Variants in TMC5 observed in about 807,000 individuals in gnomAD.
The protein encoded by TMC5 is transmembrane channel like 5.
In TMC5, 86 loss-of-function variants were observed where a neutral mutation model predicts 110.5. That is an observed-to-expected ratio of 0.78 (90% CI 0.65 to 0.93). The LOEUF (loss-of-function observed/expected upper bound fraction) is 0.93, where lower values mean the gene tolerates loss of function less well. Ranked by LOEUF, TMC5 falls within the 40% of genes least tolerant of loss-of-function variation. The pLI, the probability that TMC5 is intolerant of heterozygous loss-of-function variation, is 0.00. For synonymous variants in TMC5, 455 were observed against 439.5 expected (o/e 1.04, Z -0.44); for missense variants, 1,144 against 1,222.8 (o/e 0.94, Z 0.96).
chr16:19,456,801 A>T, intron 5 of TMC5: 1 of 1,614,178 alleles, frequency 6.2e-7, no homozygotes, highest in Non-Finnish European at 8.5e-7. Flanking sequence ...CAGATTTTTC[A>T]AGAAAAGGTG....
intron 8 of TMC5, among the ~76,000 whole-genome samples, chr16:19,465,080 C>T (rs1215212524): frequency 1.1e-4 from 8 of 73,564 alleles, no homozygotes; most frequent in African/African-American, 2.0e-4. Context: ...TTCCTTCCTT[C>T]CTTCCTTCCT....
chr16:19,468,895 G>A (rs1457179098), intron 9 of TMC5, among the ~76,000 whole-genome samples: 1 of 152,184 alleles, frequency 6.6e-6, no homozygotes, highest in Non-Finnish European at 1.5e-5. Context: ...TGGAGGCTGT[G>A]GCGTGAGGAT....
chr16:19,496,106 C>T (rs1335874435), intron 20 of TMC5, among the ~76,000 whole-genome samples: 4 of 145,382 alleles, frequency 2.8e-5, no homozygotes, highest in African/African-American at 1.0e-4. Flanking sequence ...TGCAGTGAGC[C>T]AAGGTCACAC....
In TMC5 at chr16:19,440,659, T is replaced by C. The variant is rs1036728348; in HGVS notation, c.621T>C (p.Tyr207=). Reference sequence around the variant, plus strand: ...CAGACTCTCTGGGAAAGCCTGATTATCCAGGCGCTGACATTCAACCTAACT... The same window carrying C: ...CAGACTCTCTGGGAAAGCCTGATTACCCAGGCGCTGACATTCAACCTAACT... The part of the protein sequence containing the change: ...PYADSLGKPD[Y]PGADIQPNSP... The change falls in exon 3 of 22, where the codon TAT becomes TAC. Residue 207 remains tyrosine (Y), a synonymous_variant. Transcript: ENST00000542583. 3.7e-6 allele frequency: 6 copies of C among 1,614,106 alleles called. No homozygotes were observed. The highest frequency in any genetic ancestry group is 5.1e-6 in the Non-Finnish European group (6 of 1,180,052).
intron 15 of TMC5, among the ~76,000 whole-genome samples, chr16:19,484,580 G>A (rs1304632405): frequency 6.6e-6 from 1 of 152,028 alleles, no homozygotes; most frequent in African/African-American, 2.4e-5. Flanking sequence ...TGGCCAACAT[G>A]GTGAAACCCT....
intron 2 of TMC5, among the ~76,000 whole-genome samples, chr16:19,434,499 G>GT (rs1967298440): frequency 4.7e-5 from 6 of 127,100 alleles, no homozygotes; most frequent in Non-Finnish European, 9.5e-5. Flanking sequence ...TAGATATAGA[G>GT]AGAGAGAGAG....
At position 19,466,159 on chromosome 16, in the gene TMC5, C is replaced by G; in HGVS notation, c.1563C>G (p.Ser521=). Residue 521 remains serine (S), a synonymous_variant, in exon 9 of 22, where the codon TCC becomes TCG. Transcript: ENST00000542583. ...STIQHGNSGA[S]YNMQLAYIFT... ...TCCAGCACGGGAACAGCGGGGCATC[C>G]TACAACATGCAGCTGGCCTACATCT... The G allele has an allele frequency of 6.2e-7, 1 of 1,614,090 alleles. No homozygotes were observed. Among genetic ancestry groups the G allele is most frequent in the Non-Finnish European group, 8.5e-7 (1 of 1,180,004 alleles).
At chr16:19,423,567 G>A (rs765927960) in intron 1 of TMC5, among the ~76,000 whole-genome samples, 2 of 152,090 alleles carry the variant, frequency 1.3e-5, no homozygotes, top group African/African-American at 2.4e-5. Flanking sequence ...ATAAGCTTGC[G>A]TTTTGTGTCT....
At position 19,463,872 on chromosome 16, in the gene TMC5, A is replaced by C; in HGVS notation, c.1333A>C (p.Ser445Arg). The change falls in exon 8 of 22, where the codon AGC (serine) becomes CGC (arginine). Residue 445 changes from serine (S) to arginine (R), a missense_variant. By Grantham distance (110) the Ser-to-Arg change is moderately radical. Coordinates refer to ENST00000542583, the MANE Select transcript of TMC5 (RefSeq NM_001261841.2). ...LKIIGGKFGT[S>R]VLSYFNFLRW... ...GATCATTGGAGGCAAGTTTGGAACCAGCGTCCTCTCCTATTTCAACTTTCT... is the reference window on the plus strand; with the variant it reads ...GATCATTGGAGGCAAGTTTGGAACCCGCGTCCTCTCCTATTTCAACTTTCT... The C allele has an allele frequency of 8.1e-6, 13 of 1,614,240 alleles. No homozygotes were observed. The highest frequency in any genetic ancestry group is 1.0e-5 in the Non-Finnish European group (12 of 1,180,048).
chr16:19,438,518 G>A (rs984258620), intron 2 of TMC5, among the ~76,000 whole-genome samples: 1 of 149,612 alleles, frequency 6.7e-6, no homozygotes, highest in African/African-American at 2.5e-5. Context: ...AGGCCGAGAC[G>A]GGTGGATCAC....
intron 1 of TMC5, among the ~76,000 whole-genome samples, chr16:19,423,631 GT>G (rs1967030622): frequency 6.6e-6 from 1 of 152,304 alleles, no homozygotes; most frequent in South Asian, 2.1e-4. Flanking sequence ...TAGGAAAAAA[GT>G]TTTTTCCCAC....
intron 5 of TMC5, among the ~76,000 whole-genome samples, chr16:19,452,573 C>T (rs1241456351): frequency 6.6e-6 from 1 of 151,978 alleles, no homozygotes; most frequent in Non-Finnish European, 1.5e-5. Context: ...AAAAATTAGC[C>T]GGGCATGGTG....
intron 4 of TMC5, among the ~76,000 whole-genome samples, chr16:19,446,365 T>C (rs1967615168): frequency 6.6e-6 from 1 of 152,192 alleles, no homozygotes; most frequent in Non-Finnish European, 1.5e-5. Flanking sequence ...TAAAACTTCT[T>C]AGAGGACGGC....
intron 1 of TMC5, among the ~76,000 whole-genome samples, chr16:19,426,805 T>A (rs1967095890): frequency 6.6e-6 from 1 of 152,226 alleles, no homozygotes; most frequent in African/African-American, 2.4e-5. Context: ...AATCAACTTT[T>A]TTCTTCCCTC....
intron 2 of TMC5, among the ~76,000 whole-genome samples, chr16:19,434,072 T>TTA (rs1555479948): frequency 4.9e-5 from 1 of 20,216 alleles, no homozygotes; most frequent in Non-Finnish European, 7.5e-5. Flanking sequence ...TCTATATATA[T>TTA]TATATATAAT....
At chr16:19,445,370 G>T (rs959526702) in intron 4 of TMC5, among the ~76,000 whole-genome samples, 1 of 151,756 alleles carries the variant, frequency 6.6e-6, no homozygotes, top group Non-Finnish European at 1.5e-5. Flanking sequence ...AGCCTACCCA[G>T]TAGCAGGGAC....
chr16:19,489,403 C>T (rs1039796558), intron 17 of TMC5, among the ~76,000 whole-genome samples: 5 of 152,078 alleles, frequency 3.3e-5, no homozygotes, highest in African/African-American at 4.8e-5. Flanking sequence ...GGCGCAATCT[C>T]GGCTCACTGC....
At chr16:19,412,753 A>G (rs993865404) in intron 1 of TMC5, among the ~76,000 whole-genome samples, 4 of 152,222 alleles carry the variant, frequency 2.6e-5, no homozygotes, top group African/African-American at 9.6e-5. Context: ...CATTAGCTAC[A>G]GTAAATGCTG....
intron 4 of TMC5, among the ~76,000 whole-genome samples, chr16:19,445,916 G>T (rs939711129): frequency 2.0e-5 from 3 of 151,826 alleles, no homozygotes; most frequent in Admixed American, 6.6e-5. Context: ...TTGGGAGATT[G>T]ACACAGGAGG....
Sources: allele counts gnomAD v4.1 joint callset (sites outside exome capture counted in the v4.1 genomes callset), GRCh38; gene constraint gnomAD v4.1.1; transcripts MANE v1.5; gene names NCBI Gene and HGNC (gene_info 2026-07-23, HGNC 2026-07-21).